Variants in GNAT3 observed in about 807,000 individuals in gnomAD.
GNAT3 encodes G protein subunit alpha transducin 3, also known as guanine nucleotide-binding protein G(t) subunit alpha-3.
In GNAT3, 31 loss-of-function variants were observed where a neutral mutation model predicts 37.7. That is an observed-to-expected ratio of 0.82 (90% CI 0.62 to 1.11). The LOEUF (loss-of-function observed/expected upper bound fraction) is 1.11. Among genes scored for constraint, GNAT3 ranks in the 50% most tolerant of loss-of-function variants. The pLI is 0.00. For missense variants in GNAT3, 437 were observed against 412.5 expected (o/e 1.06, Z -0.51); for synonymous variants, 138 against 139.8 (o/e 0.99, Z 0.09).
Position 80,462,622 on chromosome 7 carries a change from A to T in GNAT3, c.600T>A (p.Asp200Glu), listed in dbSNP as rs752747964. ...SFKDLHFRMF[D>E]VGGQRSERKK... ...TTCTCTCAGATCTCTGTCCACCTAC[A>T]TCAAACATCCTTTAAGAAAACATCA... is the stretch of plus-strand genomic sequence containing the variant. The change falls in exon 6 of 8, where the codon GAT becomes GAA. Residue 200 changes from aspartate to glutamate, a missense_variant. Asp to Glu is a conservative substitution (Grantham distance 45). Coordinates refer to ENST00000398291, the MANE Select transcript of GNAT3 (RefSeq NM_001102386.3). 4 of 1,608,706 alleles carry T rather than the reference A, an allele frequency of 2.5e-6. No individual in the cohort carries two copies. The Admixed American group carries it at 6.8e-5, about 27-fold the overall frequency.
At chr7:80,501,358 ATGTTT>A (rs1790831580) in intron 1 of GNAT3, among the ~76,000 whole-genome samples, 1 of 151,912 alleles carries the variant, frequency 6.6e-6, no homozygotes, top group South Asian at 2.1e-4. Flanking sequence ...ACATAGTTTT[ATGTTT>A]TGTTTTGCTG....
chr7:80,490,987 C>G (rs781282463), intron 2 of GNAT3, among the ~76,000 whole-genome samples: 12 of 152,024 alleles, frequency 7.9e-5, no homozygotes, highest in Admixed American at 7.9e-4. Context: ...TCTTGTGTGC[C>G]ATGGCAAGGA....
intron 2 of GNAT3, among the ~76,000 whole-genome samples, chr7:80,489,264 T>G (rs1226963602): frequency 6.6e-6 from 1 of 152,180 alleles, no homozygotes; most frequent in African/African-American, 2.4e-5. Flanking sequence ...TTGGCTGAAC[T>G]CTTCTCTACC....
At chr7:80,459,377 C>T (rs1477951507) in intron 7 of GNAT3, among the ~76,000 whole-genome samples, 1 of 151,762 alleles carries the variant, frequency 6.6e-6, no homozygotes, top group African/African-American at 2.4e-5. Context: ...GAATCTACTT[C>T]GATAGAAATG....
rs543818526 is a variant in GNAT3, at chr7:80,462,008, T to A, written c.874+151A>T. ...AATGTAGAGAGGGTTCTTCTTTATT[T>A]GTAAGATTTTTTTTCCAGTTTGGAT... is the stretch of plus-strand genomic sequence containing the variant. On this transcript the variant is annotated intron_variant, in intron 7 of 7. Coordinates refer to ENST00000398291, the MANE Select transcript of GNAT3 (RefSeq NM_001102386.3). The A allele has an allele frequency of 2.3e-5, 14 of 600,402 alleles. No individual in the cohort carries two copies. The African/African-American group carries it at 2.6e-4, about 11-fold the overall frequency. 37.2% of individuals were successfully genotyped at this position (600,402 alleles called of 1,614,324 possible).
chr7:80,470,807 A>G (rs1404614976), intron 5 of GNAT3, among the ~76,000 whole-genome samples: 2 of 152,136 alleles, frequency 1.3e-5, no homozygotes, highest in Non-Finnish European at 2.9e-5. Flanking sequence ...AATGTATTTT[A>G]AAATTAATAT....
At chr7:80,472,178 C>T (rs142243475) in intron 5 of GNAT3, among the ~76,000 whole-genome samples, 51 of 152,162 alleles carry the variant, frequency 3.4e-4, no homozygotes, top group Admixed American at 4.6e-4. Flanking sequence ...ATTGCAGTGG[C>T]TATGGCTCAC....
chr7:80,486,150 C>G (rs74812577), intron 3 of GNAT3, among the ~76,000 whole-genome samples: 3,097 of 152,154 alleles, frequency 0.02, 87 homozygotes, highest in African/African-American at 0.066. Flanking sequence ...ATCTCAAAAC[C>G]AAGTACTAGA....
At chr7:80,485,451 A>G (rs1365611174) in intron 3 of GNAT3, among the ~76,000 whole-genome samples, 1 of 152,160 alleles carries the variant, frequency 6.6e-6, no homozygotes, top group African/African-American at 2.4e-5. Flanking sequence ...TCCTCATTTA[A>G]TGTTAGTGTT....
chr7:80,471,151 G>A (rs1027294316), intron 5 of GNAT3, among the ~76,000 whole-genome samples: 27 of 149,380 alleles, frequency 1.8e-4, no homozygotes, highest in Admixed American at 3.4e-4. Flanking sequence ...GAACTGAGGC[G>A]GAAGAAAGAT....
chr7:80,489,279 A>C (rs1348337505), intron 2 of GNAT3, among the ~76,000 whole-genome samples: 1 of 152,058 alleles, frequency 6.6e-6, no homozygotes, highest in African/African-American at 2.4e-5. Flanking sequence ...TCTACCTTCC[A>C]CTCATTCAGC....
At chr7:80,505,841 ACCTTTAAT>A in intron 1 of GNAT3, among the ~76,000 whole-genome samples, 1 of 152,270 alleles carries the variant, frequency 6.6e-6, no homozygotes, top group Non-Finnish European at 1.5e-5. Flanking sequence ...ACTCAGTTTT[ACCTTTAAT>A]CCTACTTTAG....
intron 2 of GNAT3, among the ~76,000 whole-genome samples, chr7:80,491,638 G>A (rs531403361): frequency 6.6e-6 from 1 of 152,258 alleles, no homozygotes; most frequent in East Asian, 1.9e-4. Flanking sequence ...AGTGAGAAAA[G>A]TGATGTCATC....
At chr7:80,462,049 A>G (rs966333188) in intron 7 of GNAT3, 110 bp downstream of exon 7, 12 of 725,370 alleles carry the variant, frequency 1.7e-5, no homozygotes, top group South Asian at 1.5e-4. Context: ...AGATAACTCA[A>G]AAATGATCAT....
chr7:80,508,789 G>A (rs962265566), intron 1 of GNAT3, among the ~76,000 whole-genome samples: 11 of 151,988 alleles, frequency 7.2e-5, no homozygotes, highest in African/African-American at 2.4e-4. Flanking sequence ...TCTTGTGTTC[G>A]ATAATACCAA....
intron 3 of GNAT3, among the ~76,000 whole-genome samples, chr7:80,488,078 A>T (rs957947857): frequency 3.3e-5 from 5 of 152,118 alleles, no homozygotes; most frequent in Non-Finnish European, 7.4e-5. Context: ...TTAAAAAAAA[A>T]CTTATCAAGT....
chr7:80,476,429 A>T (rs1790302652), intron 4 of GNAT3, among the ~76,000 whole-genome samples: 1 of 145,654 alleles, frequency 6.9e-6, no homozygotes, highest in Non-Finnish European at 1.5e-5. Flanking sequence ...GGAATTTTAA[A>T]GGCACACTAG....
chr7:80,461,295 C>T (rs939051332), intron 7 of GNAT3, among the ~76,000 whole-genome samples: 1 of 152,038 alleles, frequency 6.6e-6, no homozygotes, highest in African/African-American at 2.4e-5. Context: ...CACCTGTAAT[C>T]CCAGCACTTT....
chr7:80,476,868 C>A (rs774041562), intron 4 of GNAT3, among the ~76,000 whole-genome samples: 102 of 151,654 alleles, frequency 6.7e-4, no homozygotes, highest in Non-Finnish European at 8.5e-4. Context: ...AAAAAAAAAA[C>A]CACTTTATTA....
Sources: allele counts gnomAD v4.1 joint callset (sites outside exome capture counted in the v4.1 genomes callset), GRCh38; gene constraint gnomAD v4.1.1; transcripts MANE v1.5; gene names NCBI Gene and HGNC (gene_info 2026-07-23, HGNC 2026-07-21).